Variants in GRIN2B observed in about 807,000 individuals in gnomAD.
GRIN2B encodes glutamate receptor ionotropic, NMDA 2B.
A neutral mutation model predicts 114.5 loss-of-function variants in GRIN2B; 5 were observed. That is an observed-to-expected ratio of 0.04 (90% CI 0.02 to 0.09). The LOEUF is 0.09. Among genes scored for constraint, GRIN2B ranks in the 10% least tolerant of loss-of-function variants. GRIN2B has a pLI of 1.00. For missense variants in GRIN2B, 1,108 were observed against 1,943.5 expected (o/e 0.57, Z 8.08); for synonymous variants, 787 against 745.1 (o/e 1.06, Z -0.92).
chr12:13,864,626 A>C (rs913350762), intron 3 of GRIN2B, among the ~76,000 whole-genome samples: 4 of 152,218 alleles, frequency 2.6e-5, no homozygotes, highest in African/African-American at 7.2e-5. Flanking sequence ...TAAAGCAAGG[A>C]AAATAACTGA....
intron 5 of GRIN2B, among the ~76,000 whole-genome samples, chr12:13,646,866 C>T (rs759779469): frequency 6.6e-6 from 1 of 152,030 alleles, no homozygotes; most frequent in Non-Finnish European, 1.5e-5. Context: ...AAGAGATTCT[C>T]CTCTTGGCCT....
At chr12:13,707,077 G>A (rs1950366393) in intron 4 of GRIN2B, among the ~76,000 whole-genome samples, 1 of 151,072 alleles carries the variant, frequency 6.6e-6, no homozygotes, top group Non-Finnish European at 1.5e-5. Context: ...TAATCTATGA[G>A]CATGAATGGT....
intron 2 of GRIN2B, among the ~76,000 whole-genome samples, chr12:13,956,508 C>T (rs930074207): frequency 6.6e-6 from 1 of 152,166 alleles, no homozygotes; most frequent in Non-Finnish European, 1.5e-5. Flanking sequence ...AATTCTCCTA[C>T]CCTCATTCTG....
chr12:13,808,145 G>A (rs536260020), intron 3 of GRIN2B, among the ~76,000 whole-genome samples: 2 of 152,172 alleles, frequency 1.3e-5, no homozygotes, highest in South Asian at 2.1e-4. Context: ...GGGGGTGGGG[G>A]ACAATAGCGG....
At chr12:13,706,877 T>A (rs2284410) in intron 4 of GRIN2B, among the ~76,000 whole-genome samples, 9,928 of 152,034 alleles carry the variant, frequency 0.065, 416 homozygotes, top group East Asian at 0.18. Flanking sequence ...TTCTTTCCCT[T>A]TGATGCAGGC....
chr12:13,641,603 T>C (rs558896491), intron 5 of GRIN2B, among the ~76,000 whole-genome samples: 2 of 152,286 alleles, frequency 1.3e-5, no homozygotes, highest in South Asian at 2.1e-4. Flanking sequence ...GCCTACACTT[T>C]AAATTCAGTC....
chr12:13,792,074 T>C (rs1344324994), intron 3 of GRIN2B, among the ~76,000 whole-genome samples: 1 of 152,258 alleles, frequency 6.6e-6, no homozygotes, highest in Non-Finnish European at 1.5e-5. Context: ...TTTCTGTGCT[T>C]CGTTGTTTCA....
At chr12:13,690,285 C>CCACA (rs72073823) in intron 4 of GRIN2B, among the ~76,000 whole-genome samples, 5,544 of 144,686 alleles carry the variant, frequency 0.038, 129 homozygotes, top group East Asian at 0.065. Context: ...CTATGTCACA[C>CCACA]CACACACACA....
At chr12:13,776,266 G>T (rs1054295097) in intron 3 of GRIN2B, among the ~76,000 whole-genome samples, 2 of 152,034 alleles carry the variant, frequency 1.3e-5, no homozygotes, top group Non-Finnish European at 2.9e-5. Context: ...CACACACTGG[G>T]GCCTGTCAGG....
intron 2 of GRIN2B, among the ~76,000 whole-genome samples, chr12:13,972,603 T>C (rs887400795): frequency 1.3e-5 from 2 of 152,140 alleles, no homozygotes; most frequent in Non-Finnish European, 2.9e-5. Context: ...CCAAGGGGGC[T>C]CTTGGGGGCA....
At chr12:13,692,368 G>C (rs766157925) in intron 4 of GRIN2B, among the ~76,000 whole-genome samples, 1 of 152,110 alleles carries the variant, frequency 6.6e-6, no homozygotes, top group African/African-American at 2.4e-5. Flanking sequence ...GAATATAGGT[G>C]CTCAGAATAC....
chr12:13,804,915 A>G (rs994485851), intron 3 of GRIN2B, among the ~76,000 whole-genome samples: 1 of 152,114 alleles, frequency 6.6e-6, no homozygotes, highest in Non-Finnish European at 1.5e-5. Context: ...ATCTTGATCC[A>G]TGTATACCTC....
At position 13,541,946 on chromosome 12, in the gene GRIN2B, C is replaced by T. The variant is rs1225569652; in HGVS notation, c.*20837G>A. 1 of 152,216 alleles carries T rather than the reference C, an allele frequency of 6.6e-6. No individual in the cohort carries two copies. The highest frequency in any genetic ancestry group is 1.5e-5 in the Non-Finnish European group (1 of 68,054). 9.4% of individuals were successfully genotyped at this position (152,216 alleles called of 1,614,324 possible). ...CTTGCTAAATCTCCAAATGCCTACA[C>T]AGTGGAATTTTATTTTTCTGCTCTC... On this transcript the variant is annotated 3_prime_UTR_variant, in exon 14 of 14. Transcript: ENST00000609686.
chr12:13,605,558 C>CAT (rs1565472548), intron 10 of GRIN2B, among the ~76,000 whole-genome samples: 4 of 143,106 alleles, frequency 2.8e-5, no homozygotes, highest in African/African-American at 1.0e-4. Context: ...CTCTGACACA[C>CAT]ACACACACAC....
At position 13,828,666 on chromosome 12, in the gene GRIN2B, T is replaced by C. The variant is rs1302324887; in HGVS notation, c.411+37132A>G. ...CTTACTTTTCTTTTCTCAGGAATAA[T>C]AATCCTGTGCTACCCATTGTCCAAT... On this transcript the variant is annotated intron_variant, in intron 3 of 13. Coordinates refer to ENST00000609686, the MANE Select transcript of GRIN2B (RefSeq NM_000834.5). Among the ~76,000 whole-genome samples, 3 of 152,228 alleles carry C rather than the reference T, an allele frequency of 2.0e-5. No homozygotes were observed. The South Asian group carries it at 6.2e-4, about 32-fold the overall frequency.
intron 2 of GRIN2B, among the ~76,000 whole-genome samples, chr12:13,868,311 T>A (rs1423447342): frequency 6.6e-6 from 1 of 152,154 alleles, no homozygotes; most frequent in Non-Finnish European, 1.5e-5. Flanking sequence ...GCTGATGGGC[T>A]GTACACAATT....
At chr12:13,829,108 C>T (rs1249899626) in intron 3 of GRIN2B, among the ~76,000 whole-genome samples, 2 of 152,202 alleles carry the variant, frequency 1.3e-5, no homozygotes, top group Admixed American at 1.3e-4. Context: ...ATCCTCTTGT[C>T]ATTTAACCTC....
chr12:13,755,983 T>G (rs1232548754), intron 3 of GRIN2B, among the ~76,000 whole-genome samples: 3 of 152,164 alleles, frequency 2.0e-5, no homozygotes, highest in East Asian at 3.9e-4. Context: ...ACCTTGATCT[T>G]GAACTTCCCA....
At chr12:13,739,773 C>A (rs1488328682) in intron 4 of GRIN2B, among the ~76,000 whole-genome samples, 1 of 152,170 alleles carries the variant, frequency 6.6e-6, no homozygotes, top group Non-Finnish European at 1.5e-5. Flanking sequence ...GGAAGCGCAT[C>A]CCTAAGGATT....
Sources: gnomAD v4.1 joint callset for allele counts (sites outside exome capture counted in the v4.1 genomes callset) on GRCh38, gnomAD v4.1.1 for gene constraint, MANE v1.5 for transcripts, NCBI Gene and HGNC (gene_info 2026-07-23, HGNC 2026-07-21) for gene names.